The following EPB41L3 variants were observed in gnomAD, a reference collection of about 807,000 sequenced individuals.
The protein encoded by EPB41L3 is band 4.1-like protein 3.
In EPB41L3, 57 loss-of-function variants were observed where a neutral mutation model predicts 127.1. That is an observed-to-expected ratio of 0.45 (90% CI 0.36 to 0.56). The LOEUF (loss-of-function observed/expected upper bound fraction) is 0.56. Ranked by LOEUF, EPB41L3 falls within the 20% of genes least tolerant of loss-of-function variation. The pLI is 0.00. For synonymous variants in EPB41L3, 572 were observed against 549.5 expected, an observed-to-expected ratio of 1.04 and a Z score of -0.57; for missense variants, 1,273 against 1,372.2, an observed-to-expected ratio of 0.93 and a Z score of 1.14.
intron 3 of EPB41L3, among the ~76,000 whole-genome samples, chr18:5,586,406 T>G (rs867735223): frequency 6.7e-6 from 1 of 148,756 alleles, no homozygotes; most frequent in East Asian, 1.9e-4. Flanking sequence ...CTTTTTTGTT[T>G]TTTTTTTTTT....
chr18:5,530,107 G>C (rs767885447), intron 1 of EPB41L3, among the ~76,000 whole-genome samples: 1 of 152,068 alleles, frequency 6.6e-6, no homozygotes, highest in African/African-American at 2.4e-5. Flanking sequence ...CCTTAGTTCA[G>C]ATCATCCTCA....
In EPB41L3 at chr18:5,432,245, G is replaced by A. The variant is rs562691688; in HGVS notation, c.912+1224C>T. Among the ~76,000 whole-genome samples, 146 of 152,282 alleles carry A rather than the reference G, an allele frequency of 9.6e-4. No homozygotes were observed. In the South Asian group the frequency reaches 0.014, roughly 15 times the overall value. ...TCACAGAGCTCCCTGCAATGGGTCC[G>A]CAGGGGTGCTGAGGTGTTTGCTCGA... On this transcript the variant is annotated intron_variant, in intron 8 of 22. Coordinates refer to ENST00000341928, the MANE Select transcript of EPB41L3 (RefSeq NM_012307.5).
chr18:5,515,739 G>C (rs1449776566), intron 1 of EPB41L3, among the ~76,000 whole-genome samples: 3 of 152,208 alleles, frequency 2.0e-5, no homozygotes, highest in Non-Finnish European at 4.4e-5. Context: ...GAAGCAGCAA[G>C]CTTTAAATTG....
chr18:5,597,132 C>T (rs1480411716), intron 3 of EPB41L3, among the ~76,000 whole-genome samples: 1 of 152,130 alleles, frequency 6.6e-6, no homozygotes, highest in Non-Finnish European at 1.5e-5. Context: ...ACCCTTGCCT[C>T]ACCTCAATCT....
At chr18:5,509,144 G>T (rs558416430) in intron 1 of EPB41L3, among the ~76,000 whole-genome samples, 1 of 152,322 alleles carries the variant, frequency 6.6e-6, no homozygotes, top group East Asian at 1.9e-4. Flanking sequence ...CTAAGAAGAT[G>T]TTTTTAACAG....
chr18:5,617,463 C>T (rs967977939), intron 1 of EPB41L3, among the ~76,000 whole-genome samples: 1 of 152,052 alleles, frequency 6.6e-6, no homozygotes, highest in Non-Finnish European at 1.5e-5. Context: ...GGACCACAGG[C>T]GCCAGCCACC....
intron 14 of EPB41L3, 101 bp from the exon 15 acceptor site, chr18:5,407,837 G>A: frequency 9.5e-7 from 1 of 1,057,106 alleles, no homozygotes; most frequent in Non-Finnish European, 1.5e-6. Flanking sequence ...GTGGGCACGT[G>A]TACGCTCTTG....
chr18:5,616,278 C>G (rs1203049990), intron 1 of EPB41L3, among the ~76,000 whole-genome samples: 1 of 152,146 alleles, frequency 6.6e-6, no homozygotes, highest in African/African-American at 2.4e-5. Flanking sequence ...CATTGCCTGA[C>G]CCCCACAACC....
intron 1 of EPB41L3, chr18:5,540,249 A>G (rs2093682860): frequency 1.3e-6 from 1 of 740,868 alleles, no homozygotes; most frequent in Non-Finnish European, 1.6e-6. Flanking sequence ...AAAAACAAAC[A>G]AACAAAAAAC....
At position 5,524,155 on chromosome 18, in the gene EPB41L3, G is replaced by A. The variant is rs558469658; in HGVS notation, c.-12+19758C>T. Among the ~76,000 whole-genome samples the A allele has an allele frequency of 2.4e-4, 36 of 152,030 alleles. No individual in the cohort carries two copies. In the South Asian group the frequency reaches 6.9e-3, roughly 29 times the overall value. ...TTTCTCTGGTCATACAGAGTAACTGGCCGGACTCTTTTCATTTTTTTTTTT... is the reference window on the plus strand; with the variant it reads ...TTTCTCTGGTCATACAGAGTAACTGACCGGACTCTTTTCATTTTTTTTTTT... On this transcript the variant is annotated intron_variant, in intron 1 of 22. Transcript: ENST00000341928.
chr18:5,611,065 T>C (rs1237303288), intron 3 of EPB41L3, among the ~76,000 whole-genome samples: 1 of 152,244 alleles, frequency 6.6e-6, no homozygotes, highest in Non-Finnish European at 1.5e-5. Flanking sequence ...GGAGGAATTC[T>C]GTGATCCTCA....
intron 3 of EPB41L3, among the ~76,000 whole-genome samples, chr18:5,586,565 A>ATTTTTT (rs10669405): frequency 1.0e-4 from 13 of 125,974 alleles, no homozygotes; most frequent in Admixed American, 1.7e-4. Flanking sequence ...ATACATGACT[A>ATTTTTT]TTTTTTTTTT....
At chr18:5,416,453 A>T in intron 12 of EPB41L3, 75 bp from the exon 13 acceptor site, 1 of 1,431,632 alleles carries the variant, frequency 7.0e-7, no homozygotes, top group Non-Finnish European at 9.3e-7. Context: ...AACTGCAATT[A>T]GTTAATTTTC....
At chr18:5,601,568 T>A (rs2094592149) in intron 3 of EPB41L3, among the ~76,000 whole-genome samples, 1 of 152,196 alleles carries the variant, frequency 6.6e-6, no homozygotes, top group African/African-American at 2.4e-5. Context: ...AAACTTCTGC[T>A]GACAGCTGAA....
intron 2 of EPB41L3, among the ~76,000 whole-genome samples, chr18:5,485,345 C>G (rs953563797): frequency 1.1e-4 from 17 of 151,832 alleles, no homozygotes; most frequent in Admixed American, 3.3e-4. Context: ...GAAGAACATA[C>G]CCCGAAATAA....
At chr18:5,533,077 T>C (rs2093461580) in intron 1 of EPB41L3, among the ~76,000 whole-genome samples, 1 of 152,130 alleles carries the variant, frequency 6.6e-6, no homozygotes, top group Non-Finnish European at 1.5e-5. Context: ...ATGTCTTGTC[T>C]TAATGTGAAA....
chr18:5,440,658 G>T (rs1373977349), intron 5 of EPB41L3, among the ~76,000 whole-genome samples: 1 of 152,146 alleles, frequency 6.6e-6, no homozygotes, highest in East Asian at 1.9e-4. Context: ...TCATTCTTAT[G>T]AAAAATTTCT....
chr18:5,398,385 T>C, intron 16 of EPB41L3: 1 of 507,586 alleles, frequency 2.0e-6, no homozygotes, highest in South Asian at 3.6e-5. Context: ...CAGATATATA[T>C]ATTTTTTCCC....
intron 3 of EPB41L3, among the ~76,000 whole-genome samples, chr18:5,462,316 C>T (rs2084154051): frequency 6.6e-6 from 1 of 152,042 alleles, no homozygotes; most frequent in Admixed American, 6.5e-5. Flanking sequence ...AGCAAAAAGC[C>T]AAATTAAATA....
Sources: allele counts gnomAD v4.1 joint callset (sites outside exome capture counted in the v4.1 genomes callset), GRCh38; gene constraint gnomAD v4.1.1; transcripts MANE v1.5; gene names NCBI Gene and HGNC (gene_info 2026-07-23, HGNC 2026-07-21).